TPR: variants seen among roughly 807,000 people sequenced by gnomAD.
TPR encodes nucleoprotein TPR.
In TPR, 51 loss-of-function variants were observed where a neutral mutation model predicts 316.1. The observed-to-expected ratio is 0.16, with a 90% confidence interval of 0.13 to 0.20. The LOEUF is 0.20. TPR is among the 10% of genes least tolerant of loss of function. TPR has a pLI of 1.00. For missense variants in TPR, 2,272 were observed against 2,754.8 expected (o/e 0.82, Z 3.92); for synonymous variants, 981 against 914.7 (o/e 1.07, Z -1.31).
intron 2 of TPR, among the ~76,000 whole-genome samples, chr1:186,372,992 C>T (rs959691896): frequency 1.3e-5 from 2 of 152,160 alleles, no homozygotes; most frequent in Non-Finnish European, 2.9e-5. Context: ...TTGCATAATG[C>T]TTTCACCTTT....
At chr1:186,373,817 C>CA (rs924367941) in intron 1 of TPR, among the ~76,000 whole-genome samples, 21 of 150,302 alleles carry the variant, frequency 1.4e-4, no homozygotes, top group Non-Finnish European at 3.0e-4. Context: ...ATTGTTTAGA[C>CA]AAAAAAAAAC....
At chr1:186,343,566 A>C (rs1284021789) in intron 26 of TPR, 93 bp from the exon 27 acceptor site, 4 of 1,146,410 alleles carry the variant, frequency 3.5e-6, no homozygotes, top group Non-Finnish European at 4.9e-6. Flanking sequence ...AAAATCATTG[A>C]CTTTAATAAC....
chr1:186,373,296 TA>T, intron 2 of TPR, 62 bp downstream of exon 2: 1 of 1,162,218 alleles, frequency 8.6e-7, no homozygotes. Context: ...CCAAAGTATA[TA>T]AAGGAGTCTC....
At chr1:186,337,298 A>T (rs1208922275) in intron 31 of TPR, 142 bp from the exon 32 acceptor site, 4 of 1,023,318 alleles carry the variant, frequency 3.9e-6, no homozygotes, top group Non-Finnish European at 5.4e-6. Context: ...TCTATGAAAC[A>T]ACTGTAATCT....
chr1:186,342,561 C>G (rs1395086659), intron 27 of TPR: 3 of 152,128 alleles, frequency 2.0e-5, no homozygotes, highest in Non-Finnish European at 4.4e-5. Context: ...ATTCTGGAAC[C>G]TTTAGCTTTT....
rs1355500444 is a variant in TPR, at chr1:186,320,415, C to A, written c.6465G>T (p.Ser2155=). ...RTDGFAEAIH[S]PQVAGVPRFR... is the part of the protein sequence containing the mutation. Reference sequence around the variant, plus strand: ...ATCTAGGGACACCAGCAACCTGCGGCGAACTAAATGGACAAAAACTAATTT... The same window carrying A: ...ATCTAGGGACACCAGCAACCTGCGGAGAACTAAATGGACAAAAACTAATTT... Residue 2155 remains serine (S), a synonymous_variant, in exon 46 of 51, where the codon TCG becomes TCT. Transcript: ENST00000367478. 4 of 1,604,726 alleles carry A rather than the reference C, an allele frequency of 2.5e-6. No homozygotes were observed. Among genetic ancestry groups the A allele is most frequent in the Non-Finnish European group, 3.4e-6 (4 of 1,175,154 alleles).
chr1:186,311,746 CT>C lies in TPR; in HGVS notation c.*2224del. 1.3e-6 allele frequency: 1 copy of C among 796,690 alleles called. No individual in the cohort carries two copies. The highest frequency in any genetic ancestry group is 2.0e-6 in the Non-Finnish European group (1 of 509,006). The allele number at this position is 796,690 out of a possible 1,614,324, so 49.4% of individuals were successfully genotyped here. ...AAAAATCAATATTGAGGGTAGTATT[CT>C]TATTGCCCTCAATTTTTATTTTCAT... On this transcript the variant is annotated 3_prime_UTR_variant, in exon 51 of 51. Coordinates refer to ENST00000367478, the MANE Select transcript of TPR (RefSeq NM_003292.3).
chr1:186,317,456 T>C, intron 49 of TPR, 26 bp downstream of exon 49: 2 of 1,561,986 alleles, frequency 1.3e-6, no homozygotes, highest in Non-Finnish European at 1.8e-6. Context: ...ATAAAAACTG[T>C]ATTGCAGTCA....
At chr1:186,368,497 C>A (rs369689222) in intron 3 of TPR, among the ~76,000 whole-genome samples, 2 of 152,218 alleles carry the variant, frequency 1.3e-5, no homozygotes, top group African/African-American at 4.8e-5. Context: ...GCGGTCCCAC[C>A]TACTCAGGAA....
chr1:186,348,194 T>C (rs1173480270), intron 21 of TPR, among the ~76,000 whole-genome samples: 2 of 152,152 alleles, frequency 1.3e-5, no homozygotes, highest in African/African-American at 4.8e-5. Flanking sequence ...CGCTAAATTC[T>C]TTTCCTAGCA....
chr1:186,321,222 T>C lies in TPR; in HGVS notation c.6462-804A>G, dbSNP rs577134454. On this transcript the variant is annotated intron_variant, in intron 45 of 50. Transcript: ENST00000367478. ...GTAAGAATGTGTTAGCCAAGGTAAA[T>C]TGTGGCTAACTGAGCAAGTTTAAAA... is the stretch of plus-strand genomic sequence containing the variant. Among the ~76,000 whole-genome samples, 19 of 152,298 alleles carry C rather than the reference T, an allele frequency of 1.2e-4. No individual in the cohort carries two copies. The South Asian group carries it at 3.9e-3, about 32-fold the overall frequency.
Position 186,322,435 on chromosome 1 carries a change from A to G in TPR, c.6367-23T>C, listed in dbSNP as rs755379152. On this transcript the variant is annotated intron_variant, in intron 44 of 50. Transcript: ENST00000367478. ...TTGCTAAAACAAAGAAAACAGAGTT[A>G]ACAAACAAAACACCACACATATGGA... 4 of 1,611,578 alleles carry G rather than the reference A, an allele frequency of 2.5e-6. No individual in the cohort carries two copies. In the East Asian group the frequency reaches 8.9e-5, roughly 36 times the overall value.
intron 34 of TPR, 84 bp downstream of exon 34, chr1:186,335,254 C>T: frequency 1.3e-6 from 2 of 1,558,900 alleles, no homozygotes; most frequent in Non-Finnish European, 1.7e-6. Context: ...AATTCACTGA[C>T]AAAGGCTCCT....
At chr1:186,331,991 G>A (rs944518752) in intron 38 of TPR, among the ~76,000 whole-genome samples, 16 of 152,006 alleles carry the variant, frequency 1.1e-4, no homozygotes, top group African/African-American at 3.6e-4. Context: ...AGAAACAAAT[G>A]CAATTAAAGA....
intron 24 of TPR, 117 bp from the exon 25 acceptor site, chr1:186,344,695 TG>T (rs1351688140): frequency 1.4e-6 from 1 of 712,410 alleles, no homozygotes; most frequent in Non-Finnish European, 2.0e-6. Flanking sequence ...ACAATCTAAA[TG>T]TAGCAAAATA....
intron 18 of TPR, among the ~76,000 whole-genome samples, chr1:186,352,343 T>G (rs1483404631): frequency 6.6e-6 from 1 of 152,214 alleles, no homozygotes. Context: ...TTATGGTTCC[T>G]TGCTCTAACA....
intron 46 of TPR, 126 bp from the exon 47 acceptor site, chr1:186,318,954 T>C: frequency 3.5e-6 from 3 of 867,732 alleles, no homozygotes; most frequent in Non-Finnish European, 5.2e-6. Context: ...ACGATTTAAT[T>C]ATTCCATCAA....
intron 22 of TPR, 50 bp downstream of exon 22, chr1:186,347,242 A>G (rs1658709826): frequency 6.3e-7 from 1 of 1,592,514 alleles, no homozygotes; most frequent in African/African-American, 1.3e-5. Flanking sequence ...ACTAAAAACA[A>G]AGTTAACAAA....
Position 186,359,839 on chromosome 1 carries a change from G to C in TPR, c.1349C>G (p.Ala450Gly), listed in dbSNP as rs772959432. The C allele has an allele frequency of 2.3e-5, 36 of 1,589,738 alleles. No individual in the cohort carries two copies. Among genetic ancestry groups the C allele is most frequent in the Admixed American group, 1.2e-4 (6 of 51,888 alleles). ...QREEYERAQKAVASLSVKLEQ... is the reference protein window; with the variant it reads ...QREEYERAQKGVASLSVKLEQ... ...AAGCTTAACAGATAAACTTGCTACA[G>C]CTTTCTGTGCACGTTCATATTCCTC... The change falls in exon 12 of 51, where the codon GCT (alanine) becomes GGT (glycine). Residue 450 changes from alanine to glycine, a missense_variant. By Grantham distance (60) the Ala-to-Gly change is moderately conservative (BLOSUM62 0). Transcript: ENST00000367478.
Sources: allele counts gnomAD v4.1 joint callset (sites outside exome capture counted in the v4.1 genomes callset), GRCh38; gene constraint gnomAD v4.1.1; transcripts MANE v1.5; gene names NCBI Gene and HGNC (gene_info 2026-07-23, HGNC 2026-07-21).